ARHGAP32: variants seen among roughly 807,000 people sequenced by gnomAD.
ARHGAP32 encodes the protein rho GTPase-activating protein 32.
A neutral mutation model predicts 186.5 loss-of-function variants in ARHGAP32; 51 were observed. The ratio of observed to expected loss-of-function variants is 0.27; its 90% CI spans 0.22 to 0.35. ARHGAP32 has a LOEUF of 0.35. Ranked by LOEUF, ARHGAP32 falls within the 10% of genes least tolerant of loss-of-function variation. The pLI is 1.00. For synonymous variants in ARHGAP32, 950 were observed against 964.3 expected (o/e 0.99, Z 0.27); for missense variants, 2,186 against 2,623.5 (o/e 0.83, Z 3.64).
At chr11:129,214,020 A>C (rs1181044348) in intron 1 of ARHGAP32, among the ~76,000 whole-genome samples, 1 of 152,050 alleles carries the variant, frequency 6.6e-6, no homozygotes, top group Non-Finnish European at 1.5e-5. Context: ...CTCCAGTCTA[A>C]CCATGAGAAA....
At chr11:129,048,034 C>A (rs190305468) in intron 10 of ARHGAP32, among the ~76,000 whole-genome samples, 20 of 152,226 alleles carry the variant, frequency 1.3e-4, no homozygotes, top group African/African-American at 4.8e-4. Flanking sequence ...CCTAGTAATT[C>A]TTGTATTGGG....
intron 5 of ARHGAP32, among the ~76,000 whole-genome samples, chr11:129,105,239 A>G (rs1224872806): frequency 1.3e-5 from 2 of 152,216 alleles, no homozygotes; most frequent in Non-Finnish European, 2.9e-5. Context: ...CTGGGAAATG[A>G]CAGCATTCAA....
At chr11:129,006,506 G>T (rs980916170) in intron 11 of ARHGAP32, among the ~76,000 whole-genome samples, 1 of 152,176 alleles carries the variant, frequency 6.6e-6, no homozygotes, top group Non-Finnish European at 1.5e-5. Flanking sequence ...GGTGGTCTTC[G>T]ATAAGATCCA....
At position 129,063,910 on chromosome 11, in the gene ARHGAP32, T is replaced by A; in HGVS notation, c.877A>T (p.Thr293Ser). 2 of 1,607,432 alleles carry A rather than the reference T, an allele frequency of 1.2e-6. No homozygotes were observed. Among genetic ancestry groups the A allele is most frequent in the Non-Finnish European group, 1.7e-6 (2 of 1,177,860 alleles). ...RYTARAPDEL[T>S]LEVGDIVSVI... Reference sequence around the variant, plus strand: ...CCACTTTAACTATTTACCTCTAAGGTCAGTTCGTCAGGGGCCCGAGCAGTG... The same window carrying A: ...CCACTTTAACTATTTACCTCTAAGGACAGTTCGTCAGGGGCCCGAGCAGTG... Residue 293 changes from threonine (T) to serine (S), a missense_variant, in exon 9 of 23, where the codon ACC becomes TCC. By Grantham distance (58) the Thr-to-Ser change is moderately conservative. This residue lies in a region of ARHGAP32 where 308 missense variants were observed against 596.5 expected (regional missense o/e 0.52). Transcript: ENST00000682385.
chr11:128,973,976 G>T, intron 21 of ARHGAP32, 148 bp downstream of exon 21: 3 of 930,356 alleles, frequency 3.2e-6, no homozygotes, highest in Non-Finnish European at 4.8e-6. Context: ...TTAATTTAGG[G>T]CTCTGAGCCA....
At chr11:129,028,755 G>A (rs1437905781) in intron 11 of ARHGAP32, among the ~76,000 whole-genome samples, 1 of 152,172 alleles carries the variant, frequency 6.6e-6, no homozygotes, top group Non-Finnish European at 1.5e-5. Flanking sequence ...GAGGAGATGG[G>A]ATTAGGGAGA....
At chr11:129,001,565 CT>C (rs1946359359) in intron 11 of ARHGAP32, among the ~76,000 whole-genome samples, 1 of 152,170 alleles carries the variant, frequency 6.6e-6, no homozygotes, top group Non-Finnish European at 1.5e-5. Flanking sequence ...TGTGGGTTGT[CT>C]TTTCACTTTA....
At chr11:129,247,214 T>C (rs1237612637) in intron 1 of ARHGAP32, among the ~76,000 whole-genome samples, 1 of 151,564 alleles carries the variant, frequency 6.6e-6, no homozygotes, top group Non-Finnish European at 1.5e-5. Context: ...AAACAACTCT[T>C]GGTTAAAGAT....
intron 11 of ARHGAP32, among the ~76,000 whole-genome samples, chr11:129,022,457 T>C (rs529196880): frequency 3.9e-5 from 6 of 152,204 alleles, no homozygotes; most frequent in South Asian, 2.1e-4. Flanking sequence ...GTTAAAGAAA[T>C]AGGCTTTGGA....
intron 2 of ARHGAP32, among the ~76,000 whole-genome samples, chr11:129,132,968 C>T (rs1024034010): frequency 1.3e-5 from 2 of 151,960 alleles, no homozygotes; most frequent in Non-Finnish European, 2.9e-5. Context: ...AATAAAATAC[C>T]CTGAGACTGG....
In ARHGAP32 at chr11:128,973,156, G is replaced by A. The variant is rs1257368535; in HGVS notation, c.3350C>T (p.Pro1117Leu). 6.2e-7 allele frequency: 1 copy of A among 1,614,040 alleles called. No individual in the cohort carries two copies. Among genetic ancestry groups the A allele is most frequent in the Admixed American group, 1.7e-5 (1 of 59,998 alleles). ...LDKAYFQTDR[P>L]AEQFHLQNNA... ...ATTCTGGAGGTGGAACTGCTCTGCT[G>A]GTCGATCGGTTTGGAAATAGGCCTT... is the stretch of plus-strand genomic sequence containing the variant. The change falls in exon 22 of 23, where the codon CCA becomes CTA. Residue 1117 changes from proline to leucine, a missense_variant. Coordinates refer to ENST00000682385, the MANE Select transcript of ARHGAP32 (RefSeq NM_001378024.1).
At chr11:129,136,184 G>A (rs566883008) in intron 2 of ARHGAP32, among the ~76,000 whole-genome samples, 3 of 152,200 alleles carry the variant, frequency 2.0e-5, no homozygotes, top group Non-Finnish European at 2.9e-5. Flanking sequence ...TTACAAAAGA[G>A]GATATCTCAA....
intron 2 of ARHGAP32, chr11:129,125,834 G>T (rs1407129776): frequency 4.8e-6 from 2 of 420,168 alleles, no homozygotes; most frequent in South Asian, 1.7e-5. Flanking sequence ...ATTTATAAGG[G>T]TTGGTATTTC....
At chr11:129,057,546 C>CA (rs953973903) in intron 10 of ARHGAP32, among the ~76,000 whole-genome samples, 2 of 152,052 alleles carry the variant, frequency 1.3e-5, no homozygotes, top group Non-Finnish European at 2.9e-5. Context: ...GATGCGACTA[C>CA]AGTCATTTCT....
At position 128,970,728 on chromosome 11, in the gene ARHGAP32, G is replaced by T. The variant is rs1233615879; in HGVS notation, c.4485C>A (p.Val1495=). The change falls in exon 23 of 23, where the codon GTC becomes GTA. Residue 1495 remains valine, a synonymous_variant. Transcript: ENST00000682385. This position sits in a 1 kb window ranked among gnomAD's most constrained non-coding sequence, Gnocchi z 5.8. ...TVYSSFARPD[V]TTEPFGPDNC... is the part of the protein sequence containing the mutation. Reference sequence around the variant, plus strand: ...TATCTGGACCAAAGGGTTCAGTGGTGACATCGGGCCTAGCAAAGGAGGAGT... The same window carrying T: ...TATCTGGACCAAAGGGTTCAGTGGTTACATCGGGCCTAGCAAAGGAGGAGT... 6.2e-7 allele frequency: 1 copy of T among 1,614,166 alleles called. No individual in the cohort carries two copies. The highest frequency in any genetic ancestry group is 1.3e-5 in the African/African-American group (1 of 75,026).
At chr11:129,101,632 AAGAC>A (rs1342078324) in intron 5 of ARHGAP32, among the ~76,000 whole-genome samples, 3 of 152,226 alleles carry the variant, frequency 2.0e-5, no homozygotes, top group African/African-American at 4.8e-5. Flanking sequence ...ATTCTGAAAT[AAGAC>A]AGACAGACAA....
rs547572954 is a variant in ARHGAP32, at chr11:128,967,308, A to C, written c.*1599T>G. Reference sequence around the variant, plus strand: ...ATTTCCTCCTTTGCTCTAAATAAAAATTAATTTCAAGTTCTAAAAAGCCAG... The same window carrying C: ...ATTTCCTCCTTTGCTCTAAATAAAACTTAATTTCAAGTTCTAAAAAGCCAG... On this transcript the variant is annotated 3_prime_UTR_variant, in exon 23 of 23. Transcript: ENST00000682385. 1 of 152,270 alleles carries C rather than the reference A, an allele frequency of 6.6e-6. No individual in the cohort carries two copies. Among genetic ancestry groups the C allele is most frequent in the East Asian group, 1.9e-4 (1 of 5,206 alleles). The allele number at this position is 152,270 out of a possible 1,614,324, so 9.4% of individuals were successfully genotyped here.
intron 12 of ARHGAP32, among the ~76,000 whole-genome samples, chr11:128,994,414 C>A (rs575797787): frequency 1.3e-5 from 2 of 152,180 alleles, no homozygotes; most frequent in South Asian, 4.2e-4. Context: ...CTCGGCCTCC[C>A]AAAGTGCTGG....
At chr11:129,232,209 A>C (rs1944868959) in intron 1 of ARHGAP32, among the ~76,000 whole-genome samples, 2 of 152,080 alleles carry the variant, frequency 1.3e-5, no homozygotes, top group Non-Finnish European at 2.9e-5. Context: ...ACATTAGTGT[A>C]GCTACAGATT....
Sources: gnomAD v4.1 joint callset for allele counts (sites outside exome capture counted in the v4.1 genomes callset) on GRCh38, gnomAD v4.1.1 for gene constraint, gnomAD v4.1.1 regional missense constraint, Gnocchi (gnomAD v3.1) non-coding constraint, MANE v1.5 for transcripts, NCBI Gene and HGNC (gene_info 2026-07-23, HGNC 2026-07-21) for gene names.